PLEKHA7: variants seen among roughly 807,000 people sequenced by gnomAD.
PLEKHA7 encodes pleckstrin homology domain-containing family A member 7.
In PLEKHA7, 104 loss-of-function variants were observed where a neutral mutation model predicts 170.0. That is an observed-to-expected ratio of 0.61 (90% confidence interval 0.52 to 0.72). The LOEUF (loss-of-function observed/expected upper bound fraction) is 0.72. Ranked by LOEUF, PLEKHA7 falls within the 30% of genes least tolerant of loss-of-function variation. The probability of loss-of-function intolerance (pLI) is 0.00; values close to 1 mark genes in which losing one functional copy is unlikely to be tolerated. For missense variants in PLEKHA7, 1,615 were observed against 1,671.7 expected (o/e 0.97, Z 0.59); for synonymous variants, 648 against 660.8 (o/e 0.98, Z 0.30).
chr11:16,865,952 C>T (rs1854355322), intron 4 of PLEKHA7, among the ~76,000 whole-genome samples: 1 of 151,814 alleles, frequency 6.6e-6, no homozygotes, highest in South Asian at 2.1e-4. Flanking sequence ...ATTCTCCTGC[C>T]TCAGCCTCCC....
intron 4 of PLEKHA7, among the ~76,000 whole-genome samples, chr11:16,859,757 C>T (rs544203878): frequency 6.6e-6 from 1 of 152,336 alleles, no homozygotes; most frequent in Admixed American, 6.5e-5. Context: ...CTTCTCTTCC[C>T]AGAGAAGAGC....
intron 3 of PLEKHA7, among the ~76,000 whole-genome samples, chr11:16,904,051 C>A (rs911075327): frequency 2.0e-5 from 3 of 152,236 alleles, no homozygotes; most frequent in Non-Finnish European, 4.4e-5. Context: ...AATTGTAGAA[C>A]CCTCTCAAAA....
At chr11:16,800,830 T>G in intron 17 of PLEKHA7, 144 bp downstream of exon 17, 2 of 688,220 alleles carry the variant, frequency 2.9e-6, no homozygotes, top group South Asian at 3.7e-5. Context: ...GGGTGGCTCC[T>G]TTACAGGGGT....
At chr11:16,843,110 C>T (rs1030061091) in intron 8 of PLEKHA7, among the ~76,000 whole-genome samples, 4 of 152,200 alleles carry the variant, frequency 2.6e-5, no homozygotes, top group Non-Finnish European at 5.9e-5. Flanking sequence ...GAGTGCCTAG[C>T]ACATAGTAGA....
chr11:16,970,022 A>G (rs1395358431), intron 3 of PLEKHA7, among the ~76,000 whole-genome samples: 1 of 152,228 alleles, frequency 6.6e-6, no homozygotes, highest in Non-Finnish European at 1.5e-5. Flanking sequence ...GGATGATTTA[A>G]CCTGGAAAGG....
At chr11:16,848,825 T>C (rs1362211577) in intron 8 of PLEKHA7, among the ~76,000 whole-genome samples, 1 of 152,188 alleles carries the variant, frequency 6.6e-6, no homozygotes, top group Non-Finnish European at 1.5e-5. Context: ...CAAGGTACCC[T>C]AGCACCAGTC....
intron 3 of PLEKHA7, among the ~76,000 whole-genome samples, chr11:16,920,619 T>C (rs145673546): frequency 1.8e-3 from 278 of 152,316 alleles, no homozygotes; most frequent in African/African-American, 6.2e-3. Context: ...ATAAGACCAC[T>C]TGCCTCTGAG....
At chr11:16,801,916 G>T (rs1848621619) in intron 15 of PLEKHA7, 99 bp from the exon 16 acceptor site, 8 of 1,463,048 alleles carry the variant, frequency 5.5e-6, no homozygotes, top group Non-Finnish European at 6.6e-6. Context: ...CCTAACCAAG[G>T]CCGAAGGGAT....
In PLEKHA7 at chr11:16,791,764, G is replaced by A. The variant is rs571384850; in HGVS notation, c.2746-565C>T. ...AAAATATTTCCTCCTTCCTGACTCA[G>A]ACAGAACAGGCGGTCAGGATGAGTG... On this transcript the variant is annotated intron_variant, in intron 19 of 26. Coordinates refer to ENST00000531066, the MANE Select transcript of PLEKHA7 (RefSeq NM_001329630.2). This position sits in a 1 kb window ranked among gnomAD's most constrained non-coding sequence, Gnocchi z 4.5. 1.3e-4 allele frequency: 55 copies of A among 436,462 alleles called. No homozygotes were observed. Among genetic ancestry groups the A allele is most frequent in the Non-Finnish European group, 2.2e-4 (48 of 215,826 alleles). 27.0% of individuals were successfully genotyped at this position (436,462 alleles called of 1,614,324 possible).
intron 3 of PLEKHA7, among the ~76,000 whole-genome samples, chr11:17,000,482 A>G (rs1864599886): frequency 6.6e-6 from 1 of 152,130 alleles, no homozygotes; most frequent in Non-Finnish European, 1.5e-5. Flanking sequence ...GGCACCAATC[A>G]TTTACTGCCC....
chr11:16,833,374 G>A (rs748615321), intron 9 of PLEKHA7, among the ~76,000 whole-genome samples: 2 of 152,066 alleles, frequency 1.3e-5, no homozygotes, highest in Non-Finnish European at 2.9e-5. Flanking sequence ...AGACTAAGAA[G>A]AGGAAAAAAG....
intron 13 of PLEKHA7, among the ~76,000 whole-genome samples, chr11:16,812,009 G>A (rs1375336951): frequency 6.6e-6 from 1 of 152,194 alleles, no homozygotes; most frequent in Admixed American, 6.5e-5. Flanking sequence ...CTGAGAACCA[G>A]GCCAAACAGA....
intron 23 of PLEKHA7, 133 bp from the exon 24 acceptor site, chr11:16,786,520 G>C (rs980905538): frequency 1.4e-6 from 2 of 1,470,774 alleles, no homozygotes; most frequent in Non-Finnish European, 1.8e-6. Context: ...ATGTGCAATA[G>C]AGAATGAAGC....
intron 3 of PLEKHA7, among the ~76,000 whole-genome samples, chr11:16,957,683 T>A (rs1023929900): frequency 5.5e-5 from 8 of 145,134 alleles, no homozygotes; most frequent in East Asian, 2.1e-4. Flanking sequence ...GAATTTTACC[T>A]CAATAATTTT....
At chr11:16,961,155 C>T (rs376236549) in intron 3 of PLEKHA7, among the ~76,000 whole-genome samples, 2 of 152,316 alleles carry the variant, frequency 1.3e-5, no homozygotes, top group East Asian at 1.9e-4. Context: ...TTAGAAAAAT[C>T]GGGTCATTCA....
At chr11:16,822,370 G>A (rs1393151474) in intron 10 of PLEKHA7, among the ~76,000 whole-genome samples, 1 of 151,956 alleles carries the variant, frequency 6.6e-6, no homozygotes, top group Non-Finnish European at 1.5e-5. Context: ...GCCCATCTAA[G>A]CCCATCAAGC....
At chr11:17,001,692 A>G (rs1439141202) in intron 3 of PLEKHA7, among the ~76,000 whole-genome samples, 1 of 151,726 alleles carries the variant, frequency 6.6e-6, no homozygotes, top group Non-Finnish European at 1.5e-5. Flanking sequence ...GAGACTGCAC[A>G]CTAACTCCAA....
chr11:16,957,047 A>G (rs1310519044), intron 3 of PLEKHA7, among the ~76,000 whole-genome samples: 1 of 152,222 alleles, frequency 6.6e-6, no homozygotes, highest in Non-Finnish European at 1.5e-5. Flanking sequence ...GTTCTGATGG[A>G]TGAGATAAGA....
At position 16,917,175 on chromosome 11, in the gene PLEKHA7, C is replaced by G. The variant is rs147086904; in HGVS notation, c.222-45993G>C. ...TGGAATTTGCAGTGAGCCAAATTCA[C>G]GCCACTGCCCTCCAGCCTGGGTGAC... On this transcript the variant is annotated intron_variant, in intron 3 of 26. Transcript: ENST00000531066. Among the ~76,000 whole-genome samples the G allele has an allele frequency of 2.0e-5, 3 of 152,164 alleles. No individual in the cohort carries two copies. The East Asian group carries it at 5.8e-4, about 29-fold the overall frequency.
Sources: gnomAD v4.1 joint callset for allele counts (sites outside exome capture counted in the v4.1 genomes callset) on GRCh38, gnomAD v4.1.1 for gene constraint, Gnocchi (gnomAD v3.1) non-coding constraint, MANE v1.5 for transcripts, NCBI Gene and HGNC (gene_info 2026-07-23, HGNC 2026-07-21) for gene names.